KCNIP4: variants seen among roughly 807,000 people sequenced by gnomAD.
The protein encoded by KCNIP4 is potassium voltage-gated channel interacting protein 4, also known as Kv channel-interacting protein 4.
KCNIP4 carries 12 observed loss-of-function variants against 34.0 expected under a neutral mutation model. The ratio of observed to expected loss-of-function variants is 0.35; its 90% CI spans 0.23 to 0.57. The LOEUF is 0.57. KCNIP4 is among the 20% of genes least tolerant of loss of function. The probability of loss-of-function intolerance (pLI) is 0.83; values close to 1 mark genes in which losing one functional copy is unlikely to be tolerated. For synonymous variants in KCNIP4, 124 were observed against 102.2 expected (o/e 1.21, Z -1.29); for missense variants, 238 against 311.7 (o/e 0.76, Z 1.78).
Position 20,741,146 on chromosome 4 carries a change from G to A in KCNIP4, c.430-6411C>T, listed in dbSNP as rs187893680. ...GGGAGGCTTTAACACCCCACTGTCA[G>A]CATTACACAGATCAATGAGACAGAA... On this transcript the variant is annotated intron_variant, in intron 5 of 8. Coordinates refer to ENST00000382152, the MANE Select transcript of KCNIP4 (RefSeq NM_025221.6). Among the ~76,000 whole-genome samples the A allele has an allele frequency of 2.3e-3, 354 of 152,166 alleles. 8 individuals are homozygous for A. The South Asian group carries it at 0.046, about 20-fold the overall frequency.
intron 3 of KCNIP4, among the ~76,000 whole-genome samples, chr4:20,827,793 A>C (rs1459459658): frequency 4.3e-5 from 6 of 138,766 alleles, no homozygotes; most frequent in Non-Finnish European, 7.6e-5. Flanking sequence ...ACAAAACAAA[A>C]TTACCCATCC....
At chr4:21,279,485 T>TTATA (rs368733787) in intron 1 of KCNIP4, among the ~76,000 whole-genome samples, 4 of 147,706 alleles carry the variant, frequency 2.7e-5, no homozygotes, top group African/African-American at 7.4e-5. Context: ...ACTTTAAAGA[T>TTATA]TATATATATA....
chr4:21,078,955 G>A (rs1745760686), intron 1 of KCNIP4, among the ~76,000 whole-genome samples: 2 of 152,030 alleles, frequency 1.3e-5, no homozygotes, highest in South Asian at 2.1e-4. Flanking sequence ...TTCACTCCAT[G>A]CTTTACATCT....
At position 21,679,722 on chromosome 4, in the gene KCNIP4, T is replaced by C. The variant is rs571111589; in HGVS notation, c.61+268849A>G. 4.3e-4 allele frequency among the ~76,000 whole-genome samples: 65 copies of C among 152,326 alleles called. 1 individual carries two copies. The highest frequency in any genetic ancestry group is 1.5e-3 in the African/African-American group (63 of 41,574). ...TCCATTATAGAACACAGCAATAAAG[T>C]GAATATCACATTAAAGTGAGTCATA... On this transcript the variant is annotated intron_variant, in intron 1 of 8. Coordinates refer to ENST00000382152, the MANE Select transcript of KCNIP4 (RefSeq NM_025221.6).
intron 1 of KCNIP4, among the ~76,000 whole-genome samples, chr4:21,520,924 A>G (rs1735466919): frequency 6.6e-6 from 1 of 152,138 alleles, no homozygotes; most frequent in African/African-American, 2.4e-5. Context: ...TTCTTATTCC[A>G]TTATCTTTTA....
chr4:20,954,407 T>A (rs1257871936), intron 1 of KCNIP4, among the ~76,000 whole-genome samples: 1 of 152,212 alleles, frequency 6.6e-6, no homozygotes, highest in South Asian at 2.1e-4. Context: ...ATTGAAATTT[T>A]AAAGTCAAAT....
chr4:21,432,608 A>G (rs181796227), intron 1 of KCNIP4, among the ~76,000 whole-genome samples: 24 of 152,326 alleles, frequency 1.6e-4, no homozygotes, highest in East Asian at 1.2e-3. Context: ...AAGGCGAAGC[A>G]AATGATTTTT....
At chr4:20,814,410 C>A (rs1221622375) in intron 3 of KCNIP4, among the ~76,000 whole-genome samples, 1 of 152,124 alleles carries the variant, frequency 6.6e-6, no homozygotes, top group Non-Finnish European at 1.5e-5. Context: ...ATTGCTGTGC[C>A]CACTGAAGCC....
Position 21,101,939 on chromosome 4 carries a change from T to C in KCNIP4, c.62-219230A>G, listed in dbSNP as rs16870376. Reference sequence around the variant, plus strand: ...TTTTGAGATGTTTCATGGGAGAAAATGTATAGAAAGCTAAGAGAGGTGGAA... The same window carrying C: ...TTTTGAGATGTTTCATGGGAGAAAACGTATAGAAAGCTAAGAGAGGTGGAA... On this transcript the variant is annotated intron_variant, in intron 1 of 8. Transcript: ENST00000382152. Among the ~76,000 whole-genome samples, 807 of 151,982 alleles carry C rather than the reference T, an allele frequency of 5.3e-3. 5 individuals are homozygous for C. Among genetic ancestry groups the C allele is most frequent in the African/African-American group, 0.017 (710 of 41,438 alleles).
At chr4:21,736,004 A>G (rs982444931) in intron 1 of KCNIP4, among the ~76,000 whole-genome samples, 2 of 152,186 alleles carry the variant, frequency 1.3e-5, no homozygotes, top group Admixed American at 1.3e-4. Flanking sequence ...GCAAGAAGAA[A>G]GGAAATCAGT....
chr4:21,196,043 C>T (rs900595558), intron 1 of KCNIP4, among the ~76,000 whole-genome samples: 2 of 152,194 alleles, frequency 1.3e-5, no homozygotes. Flanking sequence ...TTTCTTACAA[C>T]AAAAACTTTG....
chr4:21,443,982 G>A (rs1727727818), intron 1 of KCNIP4, among the ~76,000 whole-genome samples: 1 of 152,110 alleles, frequency 6.6e-6, no homozygotes, highest in African/African-American at 2.4e-5. Flanking sequence ...TACCATCAGA[G>A]AATACTATAA....
chr4:20,880,080 T>A (rs1471445843), intron 2 of KCNIP4, among the ~76,000 whole-genome samples: 2 of 152,266 alleles, frequency 1.3e-5, no homozygotes, highest in Non-Finnish European at 1.5e-5. Flanking sequence ...GCAGGGCTGA[T>A]ATTTATGAAA....
intron 1 of KCNIP4, among the ~76,000 whole-genome samples, chr4:21,329,169 A>G (rs1715380596): frequency 6.6e-6 from 1 of 152,246 alleles, no homozygotes. Flanking sequence ...GCACATAATA[A>G]TGACTTTATG....
chr4:21,643,504 T>C (rs1272945411), intron 1 of KCNIP4, among the ~76,000 whole-genome samples: 1 of 152,212 alleles, frequency 6.6e-6, no homozygotes, highest in Non-Finnish European at 1.5e-5. Context: ...GTTAATTTTA[T>C]ATGTTAACAC....
Position 21,773,758 on chromosome 4 carries a change from TG to T in KCNIP4, c.61+174812del, listed in dbSNP as rs1252328013. Among the ~76,000 whole-genome samples, 296 of 131,366 alleles carry T rather than the reference TG, an allele frequency of 2.3e-3. 1 individual carries two copies. The highest frequency in any genetic ancestry group is 9.9e-3 in the African/African-American group (273 of 27,526). 86.2% of individuals were successfully genotyped at this position (131,366 alleles called of 152,430 possible). On this transcript the variant is annotated intron_variant, in intron 1 of 8. Coordinates refer to ENST00000382152, the MANE Select transcript of KCNIP4 (RefSeq NM_025221.6). ...TTTTTTTTTGTTGTTTTTTTTTTTT[TG>T]TTTGTTTGTTTTTGTTTTGTTTACC...
chr4:21,187,230 T>A (rs570082476), intron 1 of KCNIP4, among the ~76,000 whole-genome samples: 49 of 152,280 alleles, frequency 3.2e-4, no homozygotes, highest in Non-Finnish European at 5.4e-4. Context: ...GCCATGGCAC[T>A]TAAAAAAACC....
intron 1 of KCNIP4, among the ~76,000 whole-genome samples, chr4:21,601,124 G>A (rs1446953266): frequency 1.3e-5 from 2 of 150,926 alleles, no homozygotes; most frequent in Non-Finnish European, 2.9e-5. Context: ...GTGTCCTAGG[G>A]TTCTATCTGG....
intron 1 of KCNIP4, among the ~76,000 whole-genome samples, chr4:20,894,944 T>A (rs1726342671): frequency 1.3e-5 from 2 of 152,228 alleles, no homozygotes; most frequent in South Asian, 4.1e-4. Flanking sequence ...AGCATCATAT[T>A]ATTTAACCTT....
Sources: allele counts gnomAD v4.1 joint callset (sites outside exome capture counted in the v4.1 genomes callset), GRCh38; gene constraint gnomAD v4.1.1; transcripts MANE v1.5; gene names NCBI Gene and HGNC (gene_info 2026-07-23, HGNC 2026-07-21).